STAR: variants seen among roughly 807,000 people sequenced by gnomAD.
STAR encodes the protein steroidogenic acute regulatory protein, mitochondrial.
Under a neutral mutation model 32.3 loss-of-function variants are expected in STAR, and 32 were observed. The observed-to-expected ratio is 0.99, with a 90% CI of 0.75 to 1.33. The LOEUF (loss-of-function observed/expected upper bound fraction) is 1.33, where lower values mean the gene tolerates loss of function less well. STAR is among the 40% of genes most tolerant of loss of function. The pLI is 0.00. For synonymous variants in STAR, 134 were observed against 140.5 expected (o/e 0.95, Z 0.33); for missense variants, 375 against 379.0 (o/e 0.99, Z 0.09).
chr8:38,145,933 G>A (rs1162381973), intron 5 of STAR, 30 bp downstream of exon 5: 1 of 1,612,084 alleles, frequency 6.2e-7, no homozygotes, highest in East Asian at 2.2e-5. Context: ...TGTTAGAAGA[G>A]GGGGGTTTGG....
intron 2 of STAR, 74 bp downstream of exon 2, chr8:38,148,567 G>T: frequency 6.8e-7 from 1 of 1,470,308 alleles, no homozygotes. Context: ...GGGAGCCAAA[G>T]CCACATGCAC....
chr8:38,150,717 T>C (rs201447533), intron 1 of STAR, 38 bp downstream of exon 1: 1 of 1,604,050 alleles, frequency 6.2e-7, no homozygotes, highest in Non-Finnish European at 8.5e-7. Flanking sequence ...CGCTGAGAGC[T>C]GGCCAACCCC....
rs765918145 is a variant in STAR, at chr8:38,148,226, C to T, written c.280G>A (p.Glu94Lys). ...QKALGILSNQ[E>K]GWKKESQQDN... ...TGCTGACTCTCCTTCTTCCAGCCCT[C>T]TTGGTTGCTAAGGATGCCCAAGGCC... Residue 94 changes from glutamate (E) to lysine (K), a missense_variant, in exon 3 of 7, where the codon GAG becomes AAG. Transcript: ENST00000276449. The T allele has an allele frequency of 3.3e-5, 54 of 1,613,946 alleles. No individual in the cohort carries two copies. Among genetic ancestry groups the T allele is most frequent in the Admixed American group, 5.0e-5 (3 of 59,992 alleles).
chr8:38,146,325 T>C lies in STAR; in HGVS notation c.429A>G (p.Ala143=), dbSNP rs2130614293. 1 of 1,614,118 alleles carries C rather than the reference T, an allele frequency of 6.2e-7. No homozygotes were observed. The highest frequency in any genetic ancestry group is 8.5e-7 in the Non-Finnish European group (1 of 1,180,024). ...LYEELVERME[A]MGEWNPNVKE... ...TGACATTGGGGTTCCACTCCCCCATTGCTTCCATGCGCTCCACGAGCTCTT... is the reference window on the plus strand; with the variant it reads ...TGACATTGGGGTTCCACTCCCCCATCGCTTCCATGCGCTCCACGAGCTCTT... The change falls in exon 4 of 7, where the codon GCA becomes GCG. Residue 143 remains alanine, a synonymous_variant. Coordinates refer to ENST00000276449, the MANE Select transcript of STAR (RefSeq NM_000349.3).
At chr8:38,145,937 G>GGTTTGGA (rs934882724) in intron 5 of STAR, 26 bp downstream of exon 5, 1 of 1,612,594 alleles carries the variant, frequency 6.2e-7, no homozygotes, top group Admixed American at 1.7e-5. Context: ...AGAAGAGGGG[G>GGTTTGGA]GTTTGGAGCC....
Sources: allele counts gnomAD v4.1 joint callset, GRCh38; gene constraint gnomAD v4.1.1; transcripts MANE v1.5; gene names NCBI Gene and HGNC (gene_info 2026-07-23, HGNC 2026-07-21).